Variants in RIPOR3 observed in about 807,000 individuals in gnomAD.
RIPOR3 encodes RIPOR family member 3.
Under a neutral mutation model 114.3 loss-of-function variants are expected in RIPOR3, and 95 were observed. The observed-to-expected ratio is 0.83, with a 90% CI of 0.70 to 0.99. The LOEUF (loss-of-function observed/expected upper bound fraction) is 0.99. Ranked by LOEUF, RIPOR3 falls within the 50% of genes least tolerant of loss-of-function variation. RIPOR3 has a pLI of 0.00. For synonymous variants in RIPOR3, 575 were observed against 543.8 expected (o/e 1.06, Z -0.80); for missense variants, 1,252 against 1,266.9 (o/e 0.99, Z 0.18).
At chr20:50,661,408 A>G (rs1050689069) in intron 1 of RIPOR3, among the ~76,000 whole-genome samples, 5 of 152,178 alleles carry the variant, frequency 3.3e-5, no homozygotes, top group Non-Finnish European at 7.3e-5. Context: ...GAAAATAAAC[A>G]TCTCCATAGC....
chr20:50,629,885 C>A (rs1032759569), intron 2 of RIPOR3, among the ~76,000 whole-genome samples: 13 of 152,198 alleles, frequency 8.5e-5, no homozygotes, highest in African/African-American at 3.1e-4. Context: ...GAAGACCCAA[C>A]CCTGGGCCAG....
rs1444412086 is a variant in RIPOR3, at chr20:50,620,030, G to A, written c.225C>T (p.Pro75=). 2 of 1,613,580 alleles carry A rather than the reference G, an allele frequency of 1.2e-6. No individual in the cohort carries two copies. The highest frequency in any genetic ancestry group is 8.5e-7 in the Non-Finnish European group (1 of 1,179,544). Residue 75 remains proline, a synonymous_variant, in exon 3 of 22, where the codon CCC becomes CCT. Coordinates refer to ENST00000327979, the MANE Select transcript of RIPOR3 (RefSeq NM_001290268.2). ...RKGSVCADPK[P]QQVKKIFEAL... is the part of the protein sequence containing the mutation. ...CTTCGAAGATCTTCTTCACCTGCTG[G>A]GGCTTCGGGTCTGCACAGACCGACC...
intron 1 of RIPOR3, among the ~76,000 whole-genome samples, chr20:50,655,667 G>A (rs1482826333): frequency 6.9e-6 from 1 of 145,460 alleles, no homozygotes; most frequent in Non-Finnish European, 1.5e-5. Context: ...GGTTAGCGTG[G>A]GCTGTGTGTG....
At chr20:50,629,790 T>C (rs1164239638) in intron 2 of RIPOR3, among the ~76,000 whole-genome samples, 1 of 152,198 alleles carries the variant, frequency 6.6e-6, no homozygotes, top group East Asian at 1.9e-4. Context: ...TGAGGTCACT[T>C]GCCCCAGGTC....
At chr20:50,687,888 G>C (rs895039525) in intron 1 of RIPOR3, among the ~76,000 whole-genome samples, 18 of 149,658 alleles carry the variant, frequency 1.2e-4, no homozygotes, top group Non-Finnish European at 2.2e-4. Flanking sequence ...AGGCAACAGA[G>C]TGTGACTCCA....
intron 1 of RIPOR3, among the ~76,000 whole-genome samples, chr20:50,666,226 T>TCTTTTCTTTTCTTTTCTC (rs1555873214): frequency 7.2e-6 from 1 of 139,742 alleles, no homozygotes; most frequent in African/African-American, 2.7e-5. Flanking sequence ...TCTTTTCTTT[T>TCTTTTCTTTTCTTTTCTC]TTGAGACGGA....
intron 2 of RIPOR3, among the ~76,000 whole-genome samples, chr20:50,622,423 C>T (rs1428160148): frequency 6.6e-6 from 1 of 152,064 alleles, no homozygotes; most frequent in Admixed American, 6.6e-5. Context: ...CTCAAATGAT[C>T]CACCTGCCTC....
intron 1 of RIPOR3, among the ~76,000 whole-genome samples, chr20:50,660,677 C>T (rs1037766037): frequency 1.3e-5 from 2 of 152,006 alleles, no homozygotes; most frequent in Admixed American, 6.6e-5. Context: ...ACAGCACTAC[C>T]CCCGAACTTT....
chr20:50,602,964 T>C lies in RIPOR3; in HGVS notation c.1087-320A>G, dbSNP rs916167049. Among the ~76,000 whole-genome samples the C allele has an allele frequency of 6.6e-6, 1 of 152,224 alleles. No individual in the cohort carries two copies. Among genetic ancestry groups the C allele is most frequent in the Admixed American group, 6.5e-5 (1 of 15,288 alleles). On this transcript the variant is annotated intron_variant, in intron 12 of 21. Transcript: ENST00000327979. This position sits in a 1 kb window ranked among gnomAD's most constrained non-coding sequence, Gnocchi z 4.3. The stretch of plus-strand genomic sequence containing the variant: ...GCTCTCGTCAGAACACTCTTCCCCA[T>C]GTGCCTTCATGGCTTGTGCCCTCGC...
chr20:50,681,362 C>T (rs1196960631), intron 1 of RIPOR3, among the ~76,000 whole-genome samples: 1 of 150,678 alleles, frequency 6.6e-6, no homozygotes, highest in East Asian at 1.9e-4. Flanking sequence ...GATGTAACTG[C>T]TCAGAGGTAT....
chr20:50,640,609 A>G (rs1309939125), intron 1 of RIPOR3, among the ~76,000 whole-genome samples: 1 of 147,790 alleles, frequency 6.8e-6, no homozygotes, highest in Non-Finnish European at 1.5e-5. Context: ...ACCCTCTGTC[A>G]TCTCGGGGAC....
At chr20:50,592,203 A>G (rs2083128261) in intron 19 of RIPOR3, 141 bp downstream of exon 19, 1 of 779,006 alleles carries the variant, frequency 1.3e-6, no homozygotes, top group East Asian at 3.1e-5. Flanking sequence ...GTTAGATCGT[A>G]GCCCAGGTCC....
At chr20:50,675,709 TG>T (rs2086656619) in intron 1 of RIPOR3, among the ~76,000 whole-genome samples, 1 of 152,232 alleles carries the variant, frequency 6.6e-6, no homozygotes, top group Admixed American at 6.5e-5. Flanking sequence ...CCAACGCCCA[TG>T]CTGTTGACCA....
chr20:50,684,862 A>G (rs1476097485), intron 1 of RIPOR3, among the ~76,000 whole-genome samples: 1 of 152,206 alleles, frequency 6.6e-6, no homozygotes, highest in Non-Finnish European at 1.5e-5. Flanking sequence ...TGCAGCTTCA[A>G]CTTCCTGGGC....
At chr20:50,593,825 C>T (rs78578502) in intron 17 of RIPOR3, among the ~76,000 whole-genome samples, 2,253 of 152,274 alleles carry the variant, frequency 0.015, 21 homozygotes, top group East Asian at 0.058. Context: ...TCACCTTTCA[C>T]TTGCTCCACA....
At chr20:50,620,199 G>T (rs998178428) in intron 2 of RIPOR3, 67 bp from the exon 3 acceptor site, 7 of 1,575,922 alleles carry the variant, frequency 4.4e-6, no homozygotes, top group Non-Finnish European at 6.0e-6. Flanking sequence ...CCCAGGGGCA[G>T]GCACTTTGGA....
At chr20:50,668,227 C>G (rs187053119) in intron 1 of RIPOR3, among the ~76,000 whole-genome samples, 96 of 152,284 alleles carry the variant, frequency 6.3e-4, no homozygotes, top group Non-Finnish European at 7.4e-5. Context: ...TGCCCAGTCA[C>G]CTGAGTCTGT....
chr20:50,660,749 C>CTTTTTTTTTTTTTTTTTTTTTTTTTTTT (rs58201824), intron 1 of RIPOR3, among the ~76,000 whole-genome samples: 1 of 83,258 alleles, frequency 1.2e-5, no homozygotes, highest in African/African-American at 4.3e-5. Flanking sequence ...TGGGATTTAC[C>CTTTTTTTTTTTTTTTTTTTTTTTTTTTT]TTTTTTTTTT....
Position 50,680,153 on chromosome 20 carries a change from G to C in RIPOR3, c.3+10973C>G, listed in dbSNP as rs143537368. ...ACCCTCCGCTGGCCTTGGGGAGCAGGTGTCATTAGACGAGGCTCAACTGAA... is the reference window on the plus strand; with the variant it reads ...ACCCTCCGCTGGCCTTGGGGAGCAGCTGTCATTAGACGAGGCTCAACTGAA... On this transcript the variant is annotated intron_variant, in intron 1 of 21. Transcript: ENST00000327979. Among the ~76,000 whole-genome samples, 183 of 152,348 alleles carry C rather than the reference G, an allele frequency of 1.2e-3. 4 individuals carry two copies. The East Asian group carries it at 0.027, about 22-fold the overall frequency.
Sources: gnomAD v4.1 joint callset for allele counts (sites outside exome capture counted in the v4.1 genomes callset) on GRCh38, gnomAD v4.1.1 for gene constraint, Gnocchi (gnomAD v3.1) non-coding constraint, MANE v1.5 for transcripts, NCBI Gene and HGNC (gene_info 2026-07-23, HGNC 2026-07-21) for gene names.